The following BRSK2 variants were observed in gnomAD, a reference collection of about 807,000 sequenced individuals.
BRSK2 encodes the protein BR serine/threonine kinase 2, also known as serine/threonine-protein kinase BRSK2.
A neutral mutation model predicts 83.3 loss-of-function variants in BRSK2; 19 were observed. The ratio of observed to expected loss-of-function variants is 0.23; its 90% CI spans 0.16 to 0.33. BRSK2 has a LOEUF of 0.33. BRSK2 is among the 10% of genes least tolerant of loss of function. BRSK2 has a pLI of 1.00. For synonymous variants in BRSK2, 519 were observed against 435.4 expected (o/e 1.19, Z -2.39); for missense variants, 798 against 1,042.3 (o/e 0.77, Z 3.23).
intron 1 of BRSK2, among the ~76,000 whole-genome samples, chr11:1,392,262 G>C (rs1845773943): frequency 6.6e-6 from 1 of 152,208 alleles, no homozygotes; most frequent in South Asian, 2.1e-4. Flanking sequence ...CCTGCCAGGA[G>C]ACCTCCGTGG....
At chr11:1,417,461 A>AT (rs555488009) in intron 1 of BRSK2, among the ~76,000 whole-genome samples, 1 of 152,260 alleles carries the variant, frequency 6.6e-6, no homozygotes, top group Non-Finnish European at 1.5e-5. Flanking sequence ...TTTTCTGAAA[A>AT]TTCTAGCATT....
At chr11:1,412,976 G>C (rs1303454249) in intron 1 of BRSK2, among the ~76,000 whole-genome samples, 4 of 152,198 alleles carry the variant, frequency 2.6e-5, no homozygotes, top group Non-Finnish European at 5.9e-5. Context: ...CTGAGGGGTG[G>C]ATGGGCGGGG....
chr11:1,411,953 G>A (rs536542586), intron 1 of BRSK2, among the ~76,000 whole-genome samples: 1 of 152,242 alleles, frequency 6.6e-6, no homozygotes, highest in East Asian at 1.9e-4. Flanking sequence ...AGCCTTAACA[G>A]CAGTCCTGCG....
intron 1 of BRSK2, among the ~76,000 whole-genome samples, chr11:1,416,969 G>A (rs577479123): frequency 2.0e-5 from 3 of 152,250 alleles, no homozygotes; most frequent in East Asian, 1.9e-4. Flanking sequence ...GACCAGCCTG[G>A]CCAACATGGT....
intron 1 of BRSK2, among the ~76,000 whole-genome samples, chr11:1,401,893 C>G (rs906562632): frequency 6.6e-6 from 1 of 152,234 alleles, no homozygotes; most frequent in Non-Finnish European, 1.5e-5. Flanking sequence ...ATGTGAGGGC[C>G]GGTGATTTTT....
chr11:1,447,469 A>G (rs1379504503), intron 12 of BRSK2, among the ~76,000 whole-genome samples: 1 of 152,178 alleles, frequency 6.6e-6, no homozygotes, highest in African/African-American at 2.4e-5. Flanking sequence ...GAAGGCCACT[A>G]GTCCTGGCAT....
chr11:1,454,588 A>G lies in BRSK2; in HGVS notation c.1648A>G (p.Ile550Val). The part of the protein sequence containing the change: ...DKPLSSIKAD[I>V]VHAFLSIPSL... ...ACCTCTGAGCTCCATCAAGGCTGACATCGTGCACGCCTTCCTGTCGGTGAG... is the reference window on the plus strand; with the variant it reads ...ACCTCTGAGCTCCATCAAGGCTGACGTCGTGCACGCCTTCCTGTCGGTGAG... The change falls in exon 16 of 20, where the codon ATC becomes GTC. Residue 550 changes from isoleucine (I) to valine (V), a missense_variant. By Grantham distance (29) the Ile-to-Val change is conservative. Around this residue, in one of 6 missense-constraint regions of BRSK2, gnomAD observed 455 missense variants for 455.2 expected, o/e 1.00. Transcript: ENST00000528841. The surrounding 1 kb of genome is among the most constrained non-coding windows in gnomAD (Gnocchi z 5.2). 8 of 1,613,056 alleles carry G rather than the reference A, an allele frequency of 5.0e-6. No homozygotes were observed. In the East Asian group the frequency reaches 6.7e-5, roughly 13 times the overall value.
chr11:1,404,441 C>T (rs1160943131), intron 1 of BRSK2, among the ~76,000 whole-genome samples: 2 of 152,212 alleles, frequency 1.3e-5, no homozygotes, highest in African/African-American at 2.4e-5. Context: ...CCGAGAGTTG[C>T]ACCTGCCTCT....
chr11:1,395,984 A>G (rs1048003333), intron 1 of BRSK2, among the ~76,000 whole-genome samples: 1 of 152,166 alleles, frequency 6.6e-6, no homozygotes, highest in African/African-American at 2.4e-5. Context: ...GTTTCTGGCA[A>G]ATCTCACGCA....
chr11:1,416,827 T>C (rs1848139951), intron 1 of BRSK2, among the ~76,000 whole-genome samples: 1 of 152,160 alleles, frequency 6.6e-6, no homozygotes, highest in African/African-American at 2.4e-5. Flanking sequence ...CTGATGTATT[T>C]AGTACATTTG....
rs1847496390 is a variant in BRSK2 at position 1,461,489 on chromosome 11, G to C, written c.*766G>C. ...GCTGAGGTGGAAACAGAGACACCCT[G>C]CGGCACCAGAGCCTTCCCAGCAGGC... On this transcript the variant is annotated 3_prime_UTR_variant, in exon 20 of 20. Transcript: ENST00000528841. 2 of 204,532 alleles carry C rather than the reference G, an allele frequency of 9.8e-6. No individual in the cohort carries two copies. The highest frequency in any genetic ancestry group is 1.9e-5 in the Non-Finnish European group (2 of 102,940). 12.7% of individuals were successfully genotyped at this position (204,532 alleles called of 1,614,324 possible).
chr11:1,413,674 C>G (rs1178272266), intron 1 of BRSK2, among the ~76,000 whole-genome samples: 1 of 152,212 alleles, frequency 6.6e-6, no homozygotes, highest in Non-Finnish European at 1.5e-5. Flanking sequence ...CACCCACTGA[C>G]CCTGACAACA....
rs910327994 is a variant in BRSK2 at position 1,450,445 on chromosome 11, G to A, written c.1288-142G>A. On this transcript the variant is annotated intron_variant, in intron 13 of 19. Coordinates refer to ENST00000528841, the MANE Select transcript of BRSK2 (RefSeq NM_001256627.2). ...AGGGCACCAAGTCCAACCCCTTCCCGGCCAGCACCCCAGCCCGGCCTCCCG... is the reference window on the plus strand; with the variant it reads ...AGGGCACCAAGTCCAACCCCTTCCCAGCCAGCACCCCAGCCCGGCCTCCCG... The A allele has an allele frequency of 2.2e-4, 126 of 570,274 alleles. No individual in the cohort carries two copies. The East Asian group carries it at 2.9e-3, about 13-fold the overall frequency. The allele number at this position is 570,274 out of a possible 1,614,324, so 35.3% of individuals were successfully genotyped here. A position where few individuals can be genotyped will look rare whatever the true frequency, so the allele number is the denominator to read the frequency against.
chr11:1,435,282 G>A (rs1394815800), intron 1 of BRSK2, among the ~76,000 whole-genome samples: 1 of 22,024 alleles, frequency 4.5e-5, no homozygotes, highest in Non-Finnish European at 1.0e-4. Context: ...GGTGCCGGTG[G>A]GGGTCTCGGC....
intron 1 of BRSK2, among the ~76,000 whole-genome samples, chr11:1,408,772 TG>T (rs1847097907): frequency 1.3e-5 from 1 of 76,304 alleles, no homozygotes; most frequent in African/African-American, 4.0e-5. Flanking sequence ...GGGGTGTGTG[TG>T]TGTGTTTGGC....
intron 18 of BRSK2, 69 bp from the exon 19 acceptor site, chr11:1,459,123 C>G: frequency 6.7e-7 from 1 of 1,497,630 alleles, no homozygotes; most frequent in Non-Finnish European, 9.2e-7. Flanking sequence ...AGGCTGTGGG[C>G]GTCCAGCCAG....
chr11:1,413,121 T>A (rs1293764314), intron 1 of BRSK2, among the ~76,000 whole-genome samples: 2 of 152,064 alleles, frequency 1.3e-5, no homozygotes, highest in South Asian at 4.1e-4. Context: ...CCCCATCTCA[T>A]GGCACCAGCT....
At chr11:1,435,674 G>A (rs116992734) in intron 1 of BRSK2, among the ~76,000 whole-genome samples, 3,155 of 151,262 alleles carry the variant, frequency 0.021, 50 homozygotes, top group Non-Finnish European at 0.029. Context: ...CAGGGTGTGC[G>A]GGGGACAGCC....
chr11:1,403,780 T>A (rs1230023604), intron 1 of BRSK2, among the ~76,000 whole-genome samples: 1 of 152,172 alleles, frequency 6.6e-6, no homozygotes. Context: ...TGGCTCCTGG[T>A]GGCGTTGGAT....
Sources: allele counts gnomAD v4.1 joint callset (sites outside exome capture counted in the v4.1 genomes callset), GRCh38; gene constraint gnomAD v4.1.1; regional missense constraint gnomAD v4.1.1; non-coding constraint Gnocchi (gnomAD v3.1); transcripts MANE v1.5; gene names NCBI Gene and HGNC (gene_info 2026-07-23, HGNC 2026-07-21).